The following ZBTB20 variants were observed in gnomAD, a reference collection of about 807,000 sequenced individuals.
ZBTB20 encodes the protein zinc finger and BTB domain-containing protein 20.
ZBTB20 carries 9 observed loss-of-function variants against 56.9 expected under a neutral mutation model. The ratio of observed to expected loss-of-function variants is 0.16; its 90% CI spans 0.10 to 0.28. ZBTB20 has a LOEUF of 0.28. ZBTB20 is among the 10% of genes least tolerant of loss of function. ZBTB20 has a pLI of 1.00. For synonymous variants in ZBTB20, 417 were observed against 420.7 expected (o/e 0.99, Z 0.11); for missense variants, 655 against 1,003.0 (o/e 0.65, Z 4.69).
rs1553778290 is a variant in ZBTB20, at chr3:114,315,568, A to AGAGAGT, written c.*23436_*23437insACTCTC. The AGAGAGT allele has an allele frequency of 3.4e-5, 5 of 147,598 alleles. No homozygotes were observed. The highest frequency in any genetic ancestry group is 2.0e-4 in the East Asian group (1 of 5,026). The allele number at this position is 147,598 out of a possible 1,614,324, so 9.1% of individuals were successfully genotyped here. ...GTGTGTATTTTAGGTCTAAACATAC[A>AGAGAGT]GTGTGTGTGTGTGTGTGTGTGTGTG... On this transcript the variant is annotated 3_prime_UTR_variant, in exon 12 of 12. Transcript: ENST00000675478.
intron 2 of ZBTB20, among the ~76,000 whole-genome samples, chr3:115,066,856 C>G (rs2082224944): frequency 6.6e-6 from 1 of 151,884 alleles, no homozygotes; most frequent in South Asian, 2.1e-4. Context: ...ATAAAGGAAT[C>G]CAACAAAAGA....
Position 114,350,739 on chromosome 3 carries a change from T to C in ZBTB20, c.1339A>G (p.Thr447Ala). Residue 447 changes from threonine to alanine, a missense_variant, in exon 11 of 12, where the codon ACT (threonine) becomes GCT (alanine). Coordinates refer to ENST00000675478, the MANE Select transcript of ZBTB20 (RefSeq NM_001348800.3). ...CTCTTGTCGGAGCTGTTGCTGACAG[T>C]GATAACAGTGCTGTCCATCTCCACT... ...NEVEMDSTVI[T>A]VSNSSDKSVL... 1 of 1,614,200 alleles carries C rather than the reference T, an allele frequency of 6.2e-7. No individual in the cohort carries two copies. The highest frequency in any genetic ancestry group is 8.5e-7 in the Non-Finnish European group (1 of 1,180,026).
intron 4 of ZBTB20, among the ~76,000 whole-genome samples, chr3:114,868,193 G>T (rs2075846528): frequency 6.6e-6 from 1 of 152,172 alleles, no homozygotes; most frequent in Middle Eastern, 3.2e-3. Flanking sequence ...TGGTATCTAT[G>T]CTGATTTTTC....
chr3:115,017,990 A>T (rs549131975), intron 2 of ZBTB20, among the ~76,000 whole-genome samples: 7 of 151,590 alleles, frequency 4.6e-5, no homozygotes, highest in African/African-American at 1.7e-4. Context: ...CTTTTCAATG[A>T]CTTCTTCCAA....
chr3:114,872,681 C>T (rs2076056692), intron 4 of ZBTB20, among the ~76,000 whole-genome samples: 1 of 151,306 alleles, frequency 6.6e-6, no homozygotes, highest in South Asian at 2.1e-4. Context: ...TTATTAAATA[C>T]TCATACTCAC....
intron 7 of ZBTB20, among the ~76,000 whole-genome samples, chr3:114,485,858 C>T (rs1393999696): frequency 5.9e-5 from 9 of 152,080 alleles, no homozygotes; most frequent in Admixed American, 1.3e-4. Context: ...CTTGAATTTC[C>T]TAGTCTCTGT....
intron 2 of ZBTB20, among the ~76,000 whole-genome samples, chr3:115,019,440 T>C (rs2080115154): frequency 6.6e-6 from 1 of 151,282 alleles, no homozygotes; most frequent in Admixed American, 6.6e-5. Flanking sequence ...TTAGTGCATG[T>C]CCTATGTTTT....
intron 4 of ZBTB20, among the ~76,000 whole-genome samples, chr3:114,847,409 A>G (rs1311457317): frequency 6.6e-6 from 1 of 152,154 alleles, no homozygotes; most frequent in Non-Finnish European, 1.5e-5. Context: ...CCTCCTGGAA[A>G]TGGTAACACG....
At position 114,329,992 on chromosome 3, in the gene ZBTB20, A is replaced by G. The variant is rs1360644184; in HGVS notation, c.*9013T>C. On this transcript the variant is annotated 3_prime_UTR_variant, in exon 12 of 12. Coordinates refer to ENST00000675478, the MANE Select transcript of ZBTB20 (RefSeq NM_001348800.3). ...TAAGTAGCCCCTTGGTCATATTTTT[A>G]AAAGCAAATATAGACAGTGACAGTC... 6.6e-6 allele frequency: 1 copy of G among 152,202 alleles called. No individual in the cohort carries two copies. The highest frequency in any genetic ancestry group is 2.4e-5 in the African/African-American group (1 of 41,440). The allele number at this position is 152,202 out of a possible 1,614,324, so 9.4% of individuals were successfully genotyped here. A position where few individuals can be genotyped will look rare whatever the true frequency, so the allele number is the denominator to read the frequency against.
intron 5 of ZBTB20, among the ~76,000 whole-genome samples, chr3:114,741,751 G>A (rs1458791452): frequency 6.6e-6 from 1 of 151,526 alleles, no homozygotes; most frequent in Non-Finnish European, 1.5e-5. Context: ...GCATGGTGGT[G>A]GGCACCTGTA....
At chr3:115,021,873 T>A (rs1347103041) in intron 2 of ZBTB20, among the ~76,000 whole-genome samples, 1 of 150,840 alleles carries the variant, frequency 6.6e-6, no homozygotes, top group South Asian at 2.1e-4. Flanking sequence ...AAATAAAATT[T>A]AAAAAAATTT....
At chr3:114,944,447 AC>A (rs2076820629) in intron 3 of ZBTB20, among the ~76,000 whole-genome samples, 1 of 145,624 alleles carries the variant, frequency 6.9e-6, no homozygotes, top group South Asian at 2.1e-4. Flanking sequence ...TACAAATATA[AC>A]TACCATATGA....
chr3:114,737,217 T>G (rs1308622512), intron 5 of ZBTB20, among the ~76,000 whole-genome samples: 1 of 152,164 alleles, frequency 6.6e-6, no homozygotes, highest in African/African-American at 2.4e-5. Context: ...CTCTAAAGAC[T>G]TAGTTGTTTG....
chr3:114,671,788 C>T (rs1053170644), intron 6 of ZBTB20, among the ~76,000 whole-genome samples: 2 of 152,036 alleles, frequency 1.3e-5, no homozygotes, highest in African/African-American at 2.4e-5. Flanking sequence ...TAATTATTAT[C>T]CATACCTAAG....
At chr3:115,077,801 A>C (rs1276887864) in intron 1 of ZBTB20, among the ~76,000 whole-genome samples, 2 of 152,290 alleles carry the variant, frequency 1.3e-5, no homozygotes, top group East Asian at 3.9e-4. Flanking sequence ...CAAAATGGTG[A>C]AGCACTATGG....
At chr3:114,709,977 A>G (rs769096788) in intron 5 of ZBTB20, among the ~76,000 whole-genome samples, 5 of 152,042 alleles carry the variant, frequency 3.3e-5, no homozygotes, top group Non-Finnish European at 5.9e-5. Flanking sequence ...ACTAATTCCA[A>G]CAATGGGTTA....
At chr3:115,058,979 T>C (rs919368749) in intron 2 of ZBTB20, among the ~76,000 whole-genome samples, 28 of 152,322 alleles carry the variant, frequency 1.8e-4, no homozygotes, top group Middle Eastern at 3.4e-3. Context: ...CATACCAATG[T>C]AGTAAATTTT....
At chr3:114,890,723 C>T (rs1240912233) in intron 4 of ZBTB20, among the ~76,000 whole-genome samples, 1 of 152,036 alleles carries the variant, frequency 6.6e-6, no homozygotes, top group Non-Finnish European at 1.5e-5. Flanking sequence ...ACATTGTGCA[C>T]ATGTACCCTA....
intron 7 of ZBTB20, among the ~76,000 whole-genome samples, chr3:114,427,933 A>G (rs544142209): frequency 1.3e-5 from 2 of 152,326 alleles, no homozygotes; most frequent in Admixed American, 6.5e-5. Context: ...CCAGGGACAC[A>G]GAATATTCAC....
Sources: gnomAD v4.1 joint callset for allele counts (sites outside exome capture counted in the v4.1 genomes callset) on GRCh38, gnomAD v4.1.1 for gene constraint, MANE v1.5 for transcripts, NCBI Gene and HGNC (gene_info 2026-07-23, HGNC 2026-07-21) for gene names.